PTPRZ1: variants seen among roughly 807,000 people sequenced by gnomAD.
PTPRZ1 encodes protein tyrosine phosphatase receptor type Z1, also known as receptor-type tyrosine-protein phosphatase zeta.
A neutral mutation model predicts 214.1 loss-of-function variants in PTPRZ1; 82 were observed. The observed-to-expected ratio is 0.38, with a 90% CI of 0.32 to 0.46. PTPRZ1 has a LOEUF of 0.46. Ranked by LOEUF, PTPRZ1 falls within the 20% of genes least tolerant of loss-of-function variation. The pLI, the probability that PTPRZ1 is intolerant of heterozygous loss-of-function variation, is 1.00. For synonymous variants in PTPRZ1, 945 were observed against 987.9 expected (o/e 0.96, Z 0.81); for missense variants, 2,603 against 2,748.7 (o/e 0.95, Z 1.19).
intron 1 of PTPRZ1, among the ~76,000 whole-genome samples, chr7:121,889,135 T>TA (rs34862350): frequency 0.54 from 82,205 of 151,902 alleles, 22,868 homozygotes; most frequent in African/African-American, 0.66. Context: ...AAAAAGTATT[T>TA]AAAATGAGGC....
rs901180881 is a variant in PTPRZ1, at chr7:121,875,502, G to A, written c.58+1945G>A. On this transcript the variant is annotated intron_variant, in intron 1 of 29. Transcript: ENST00000393386. The stretch of plus-strand genomic sequence containing the variant: ...CCTATTTTTGGTTGTATAGTTTTCA[G>A]TTTGTTGGACATTTTCTTTAAGTCT... 5.9e-5 allele frequency among the ~76,000 whole-genome samples: 9 copies of A among 152,140 alleles called. No homozygotes were observed. In the East Asian group the frequency reaches 1.2e-3, roughly 19 times the overall value.
At position 122,040,800 on chromosome 7, in the gene PTPRZ1, G is replaced by C. The variant is rs754929739; in HGVS notation, c.5638-16G>C. The C allele has an allele frequency of 3.4e-6, 5 of 1,490,896 alleles. No homozygotes were observed. Among genetic ancestry groups the C allele is most frequent in the Non-Finnish European group, 4.5e-6 (5 of 1,105,532 alleles). The allele number at this position is 1,490,896 out of a possible 1,614,324, so 92.4% of individuals were successfully genotyped here. A position where few individuals can be genotyped will look rare whatever the true frequency, so the allele number is the denominator to read the frequency against. On this transcript the variant is annotated splice_polypyrimidine_tract_variant and intron_variant, in intron 20 of 29. Coordinates refer to ENST00000393386, the MANE Select transcript of PTPRZ1 (RefSeq NM_002851.3). ...TGTGTGTGTTTGACTGTTATTAACT[G>C]TCTGAACTTTTCCAGGGCTCCCAGA...
chr7:122,023,726 T>TATATAATTATATATATA (rs1562868705), intron 13 of PTPRZ1, among the ~76,000 whole-genome samples: 2 of 108,836 alleles, frequency 1.8e-5, no homozygotes, highest in Non-Finnish European at 3.5e-5. Flanking sequence ...ATATATATTA[T>TATATAATTATATATATA]ATGTATAATT....
At chr7:122,059,580 C>A in intron 28 of PTPRZ1, 173 bp from the exon 29 acceptor site, 2 of 696,332 alleles carry the variant, frequency 2.9e-6, no homozygotes, top group Non-Finnish European at 4.6e-6. Flanking sequence ...GAACACTTGG[C>A]AATATTTCAG....
Position 122,059,853 on chromosome 7 carries a change from A to T in PTPRZ1, c.6772A>T (p.Ile2258Phe), listed in dbSNP as rs992396118. The change falls in exon 29 of 30, where the codon ATC becomes TTC. Residue 2258 changes from isoleucine to phenylalanine, a missense_variant. Ile to Phe is a conservative substitution (Grantham distance 21). Coordinates refer to ENST00000393386, the MANE Select transcript of PTPRZ1 (RefSeq NM_002851.3). ...SVDVYQVAKM[I>F]NLMRPGVFAD... ...GGATGTTTACCAGGTAGCCAAGATG[A>T]TCAATCTGATGAGGCCAGGAGTCTT... is the stretch of plus-strand genomic sequence containing the variant. 3.7e-6 allele frequency: 6 copies of T among 1,613,546 alleles called. No individual in the cohort carries two copies. The African/African-American group carries it at 8.0e-5, about 22-fold the overall frequency.
intron 2 of PTPRZ1, among the ~76,000 whole-genome samples, chr7:121,953,637 G>C (rs997386639): frequency 2.0e-5 from 3 of 152,180 alleles, no homozygotes; most frequent in Non-Finnish European, 4.4e-5. Flanking sequence ...AGACATCTGA[G>C]AGATTCCGGG....
intron 2 of PTPRZ1, among the ~76,000 whole-genome samples, chr7:121,945,156 A>T (rs1796336163): frequency 1.3e-5 from 2 of 152,212 alleles, no homozygotes; most frequent in South Asian, 4.1e-4. Flanking sequence ...TATTCAACAC[A>T]TCTTAATTAA....
chr7:121,878,815 C>T (rs2116149120), intron 1 of PTPRZ1, among the ~76,000 whole-genome samples: 1 of 152,232 alleles, frequency 6.6e-6, no homozygotes, highest in East Asian at 1.9e-4. Context: ...CATTCTTGAA[C>T]TTAGCACTTA....
rs144574732 is a variant in PTPRZ1, at chr7:121,962,449, A to AAATAATAAT, written c.125-5477_125-5469dup. Among the ~76,000 whole-genome samples the AAATAATAAT allele has an allele frequency of 4.1e-3, 603 of 148,464 alleles. 1 individual carries two copies. Among genetic ancestry groups the AAATAATAAT allele is most frequent in the African/African-American group, 9.4e-3 (374 of 39,986 alleles). ...GGCAATAGAGAGATGCTCTGTCTCAAAATAATAATAATAATAATAATAATA... is the reference window on the plus strand; with the variant it reads ...GGCAATAGAGAGATGCTCTGTCTCAAAATAATAATAATAATAATAATAATAATAATAATA... On this transcript the variant is annotated intron_variant, in intron 2 of 29. Coordinates refer to ENST00000393386, the MANE Select transcript of PTPRZ1 (RefSeq NM_002851.3).
chr7:121,905,625 C>T (rs944060395), intron 1 of PTPRZ1, among the ~76,000 whole-genome samples: 4 of 117,946 alleles, frequency 3.4e-5, no homozygotes, highest in Non-Finnish European at 5.4e-5. Flanking sequence ...TTTCTGCACC[C>T]GGCCGAATTC....
At chr7:122,042,116 A>T (rs778972755) in intron 21 of PTPRZ1, among the ~76,000 whole-genome samples, 3 of 152,196 alleles carry the variant, frequency 2.0e-5, no homozygotes, top group Non-Finnish European at 4.4e-5. Context: ...ATCTCACTGA[A>T]ATGATATTTT....
intron 4 of PTPRZ1, among the ~76,000 whole-genome samples, chr7:121,974,557 G>A (rs553625855): frequency 2.0e-5 from 3 of 152,178 alleles, no homozygotes; most frequent in East Asian, 3.9e-4. Flanking sequence ...GCATGATCTC[G>A]GCTCACTGCA....
At chr7:122,053,262 A>G (rs1792242034) in intron 25 of PTPRZ1, among the ~76,000 whole-genome samples, 1 of 152,136 alleles carries the variant, frequency 6.6e-6, no homozygotes. Flanking sequence ...AGCAGGCACA[A>G]GTCCCAGGAG....
At chr7:122,060,956 G>A (rs1792556764) in intron 29 of PTPRZ1, 124 bp from the exon 30 acceptor site, 1 of 831,682 alleles carries the variant, frequency 1.2e-6, no homozygotes, top group East Asian at 3.0e-5. Flanking sequence ...GAGTATAACA[G>A]TGCCCTTAAC....
chr7:122,000,325 A>G (rs1014299452), intron 10 of PTPRZ1, among the ~76,000 whole-genome samples: 2 of 152,058 alleles, frequency 1.3e-5, no homozygotes, highest in African/African-American at 2.4e-5. Flanking sequence ...ATATATCCCA[A>G]TGAAAGTCTT....
intron 4 of PTPRZ1, among the ~76,000 whole-genome samples, chr7:121,972,961 A>G (rs1304254374): frequency 6.6e-6 from 1 of 152,148 alleles, no homozygotes; most frequent in Non-Finnish European, 1.5e-5. Flanking sequence ...GGACAATTTC[A>G]TTAACATACT....
At chr7:122,030,173 G>A (rs1426491149) in intron 14 of PTPRZ1, among the ~76,000 whole-genome samples, 1 of 151,910 alleles carries the variant, frequency 6.6e-6, no homozygotes, top group Non-Finnish European at 1.5e-5. Context: ...TGATTCAAGG[G>A]CATCTCCTTA....
In PTPRZ1 at chr7:122,011,753, C is replaced by A. The variant is rs1798672174; in HGVS notation, c.2707C>A (p.Leu903Ile). The A allele has an allele frequency of 1.2e-6, 2 of 1,614,076 alleles. No homozygotes were observed. The highest frequency in any genetic ancestry group is 4.5e-5 in the East Asian group (2 of 44,858). Residue 903 changes from leucine (L) to isoleucine (I), a missense_variant, in exon 12 of 30, where the codon CTT becomes ATT. Coordinates refer to ENST00000393386, the MANE Select transcript of PTPRZ1 (RefSeq NM_002851.3). ...TGAATCTGGTGTTCTTTATAAAACG[C>A]TTATGTTTTCTCAAGTTGAACCACC... ...GSESGVLYKTLMFSQVEPPSS... is the reference protein window; with the variant it reads ...GSESGVLYKTIMFSQVEPPSS...
At chr7:122,018,989 A>T in intron 12 of PTPRZ1, 135 bp from the exon 13 acceptor site, 2 of 785,988 alleles carry the variant, frequency 2.5e-6, no homozygotes, top group Non-Finnish European at 3.9e-6. Flanking sequence ...TTATAATTGT[A>T]GACATTCTTT....
Sources: allele counts gnomAD v4.1 joint callset (sites outside exome capture counted in the v4.1 genomes callset), GRCh38; gene constraint gnomAD v4.1.1; transcripts MANE v1.5; gene names NCBI Gene and HGNC (gene_info 2026-07-23, HGNC 2026-07-21).